Variants in SLC22A25 observed in about 807,000 individuals in gnomAD.
SLC22A25 encodes the protein solute carrier family 22 member 25.
Under a neutral mutation model 45.9 loss-of-function variants are expected in SLC22A25, and 44 were observed. That is an observed-to-expected ratio of 0.96 (90% CI 0.75 to 1.23). SLC22A25 has a LOEUF of 1.23. SLC22A25 is among the 50% of genes most tolerant of loss of function. The pLI, the probability that SLC22A25 is intolerant of heterozygous loss-of-function variation, is 0.00. For missense variants in SLC22A25, 800 were observed against 666.4 expected, an observed-to-expected ratio of 1.20 and a Z score of -2.21; for synonymous variants, 283 against 238.6, an observed-to-expected ratio of 1.19 and a Z score of -1.72.
At chr11:63,231,742 C>A (rs1004347424) in intron 3 of SLC22A25, among the ~76,000 whole-genome samples, 1 of 152,148 alleles carries the variant, frequency 6.6e-6, no homozygotes, top group African/African-American at 2.4e-5. Flanking sequence ...CCTAGTTTTT[C>A]TTCTAGGGTT....
chr11:63,159,515 G>A lies in SLC22A25; in HGVS notation c.*4309C>T, dbSNP rs757540700. Reference sequence around the variant, plus strand: ...TAAGTTGTGCCTTTCACCTTCTGCCGTGATTGTGAGGCTTCCCCAGCCAGG... The same window carrying A: ...TAAGTTGTGCCTTTCACCTTCTGCCATGATTGTGAGGCTTCCCCAGCCAGG... On this transcript the variant is annotated 3_prime_UTR_variant, in exon 12 of 12. Coordinates refer to ENST00000306494, the MANE Select transcript of SLC22A25 (RefSeq NM_199352.6). 2.6e-5 allele frequency among the ~76,000 whole-genome samples: 4 copies of A among 152,100 alleles called. No individual in the cohort carries two copies. Among genetic ancestry groups the A allele is most frequent in the Non-Finnish European group, 4.4e-5 (3 of 68,024 alleles).
At chr11:63,197,758 A>G (rs2089097962) in intron 7 of SLC22A25, among the ~76,000 whole-genome samples, 1 of 152,244 alleles carries the variant, frequency 6.6e-6, no homozygotes, top group Admixed American at 6.5e-5. Flanking sequence ...TCTGCACAGC[A>G]AAAGATGCTA....
intron 9 of SLC22A25, among the ~76,000 whole-genome samples, chr11:63,172,483 A>G (rs1304623643): frequency 1.3e-5 from 2 of 152,310 alleles, no homozygotes; most frequent in Admixed American, 6.5e-5. Flanking sequence ...AAATGATGTG[A>G]ACAGACACTT....
intron 7 of SLC22A25, chr11:63,208,130 G>A (rs1039294393): frequency 6.6e-6 from 1 of 152,276 alleles, no homozygotes; most frequent in Admixed American, 6.5e-5. Flanking sequence ...TGGGACTACA[G>A]CCCTGTGGCC....
chr11:63,175,397 A>G (rs1411328148), intron 9 of SLC22A25, among the ~76,000 whole-genome samples: 1 of 152,042 alleles, frequency 6.6e-6, no homozygotes, highest in East Asian at 1.9e-4. Context: ...GGCCATTTGT[A>G]TGGCTTCTTT....
chr11:63,214,877 T>C (rs1190491063), intron 7 of SLC22A25, among the ~76,000 whole-genome samples: 1 of 151,986 alleles, frequency 6.6e-6, no homozygotes, highest in Non-Finnish European at 1.5e-5. Context: ...TCCTTAACAA[T>C]CCCACAACAA....
At chr11:63,239,454 G>A (rs1463518420) in intron 1 of SLC22A25, among the ~76,000 whole-genome samples, 2 of 152,158 alleles carry the variant, frequency 1.3e-5, no homozygotes, top group Admixed American at 6.5e-5. Flanking sequence ...CACATTTTCT[G>A]TAAATACAGT....
In SLC22A25 at chr11:63,228,353, C is replaced by T. The variant is rs572007606; in HGVS notation, c.506+108G>A. 46 of 819,626 alleles carry T rather than the reference C, an allele frequency of 5.6e-5. No homozygotes were observed. In the African/African-American group the frequency reaches 7.5e-4, roughly 13 times the overall value. 50.8% of individuals were successfully genotyped at this position (819,626 alleles called of 1,614,324 possible). Reference sequence around the variant, plus strand: ...TTTGTGTCTACAAATCCCTGGGGACCAAGGGAGCAACAGGATAGTGTGATT... The same window carrying T: ...TTTGTGTCTACAAATCCCTGGGGACTAAGGGAGCAACAGGATAGTGTGATT... On this transcript the variant is annotated intron_variant, in intron 5 of 11. Transcript: ENST00000306494.
chr11:63,190,697 G>C (rs2088775486), intron 7 of SLC22A25, among the ~76,000 whole-genome samples: 1 of 152,014 alleles, frequency 6.6e-6, no homozygotes, highest in African/African-American at 2.4e-5. Flanking sequence ...TTTGCTCTTT[G>C]ATGATGGTGA....
At chr11:63,173,546 T>C (rs2087968991) in intron 9 of SLC22A25, among the ~76,000 whole-genome samples, 1 of 152,144 alleles carries the variant, frequency 6.6e-6, no homozygotes, top group Non-Finnish European at 1.5e-5. Context: ...TTGACACAGT[T>C]TCCATTTCTA....
rs114382284 is a variant in SLC22A25, at chr11:63,166,875, G to A, written c.1071-617C>T. 3.8e-4 allele frequency: 372 copies of A among 985,316 alleles called. 2 individuals carry two copies. In the African/African-American group the frequency reaches 6.2e-3, roughly 16 times the overall value. The allele number at this position is 985,316 out of a possible 1,614,324, so 61.0% of individuals were successfully genotyped here. A position where few individuals can be genotyped will look rare whatever the true frequency, so the allele number is the denominator to read the frequency against. Reference sequence around the variant, plus strand: ...TTTTTGGAATAAGAGGTAGTCGATAGAGACAGCTGGCAAGATGGCCGAATA... The same window carrying A: ...TTTTTGGAATAAGAGGTAGTCGATAAAGACAGCTGGCAAGATGGCCGAATA... On this transcript the variant is annotated intron_variant, in intron 9 of 11. Coordinates refer to ENST00000306494, the MANE Select transcript of SLC22A25 (RefSeq NM_199352.6).
At chr11:63,219,050 T>C (rs928318850) in intron 5 of SLC22A25, among the ~76,000 whole-genome samples, 7 of 152,200 alleles carry the variant, frequency 4.6e-5, no homozygotes, top group Admixed American at 2.6e-4. Flanking sequence ...GATGTAAGCT[T>C]AATATAGAAA....
rs1247106893 is a variant in SLC22A25, at chr11:63,204,205, T to A, written c.830+13109A>T. On this transcript the variant is annotated intron_variant, in intron 7 of 11. Transcript: ENST00000306494. ...ACTGGTAGCAGCCACTGCAGAAACA[T>A]ACCAAATTGTAAAGACCATTGACAA... is the stretch of plus-strand genomic sequence containing the variant. Among the ~76,000 whole-genome samples the A allele has an allele frequency of 2.0e-5, 3 of 152,134 alleles. No homozygotes were observed. The East Asian group carries it at 5.8e-4, about 29-fold the overall frequency.
At chr11:63,225,052 T>C (rs902921555) in intron 5 of SLC22A25, among the ~76,000 whole-genome samples, 1 of 152,140 alleles carries the variant, frequency 6.6e-6, no homozygotes, top group Admixed American at 6.5e-5. Context: ...TGAGCCGAGA[T>C]TGTGCCACTG....
At position 63,191,784 on chromosome 11, in the gene SLC22A25, C is replaced by G. The variant is rs1264771609; in HGVS notation, c.831-7967G>C. On this transcript the variant is annotated intron_variant, in intron 7 of 11. Coordinates refer to ENST00000306494, the MANE Select transcript of SLC22A25 (RefSeq NM_199352.6). The stretch of plus-strand genomic sequence containing the variant: ...GCCTTTGTGAAATAAGACAGTCAGA[C>G]AAGAATAGAGAAAAAAGAATGAAAA... Among the ~76,000 whole-genome samples the G allele has an allele frequency of 4.6e-5, 7 of 151,670 alleles. No homozygotes were observed. The South Asian group carries it at 1.0e-3, about 23-fold the overall frequency.
chr11:63,194,280 C>A (rs2088922092), intron 7 of SLC22A25, among the ~76,000 whole-genome samples: 1 of 152,094 alleles, frequency 6.6e-6, no homozygotes, highest in Non-Finnish European at 1.5e-5. Flanking sequence ...CCTAGCAAAG[C>A]AGGCCAACAT....
intron 2 of SLC22A25, among the ~76,000 whole-genome samples, 173 bp downstream of exon 2, chr11:63,238,544 C>T (rs1002696147): frequency 9.2e-5 from 14 of 152,202 alleles, no homozygotes; most frequent in African/African-American, 2.2e-4. Flanking sequence ...TTTGAAATCA[C>T]TAGACTTATA....
At chr11:63,216,345 C>T (rs1474184372) in intron 7 of SLC22A25, among the ~76,000 whole-genome samples, 1 of 152,126 alleles carries the variant, frequency 6.6e-6, no homozygotes, top group African/African-American at 2.4e-5. Flanking sequence ...AAAGAAATAC[C>T]TTTCAACCCA....
chr11:63,201,119 C>A (rs981239765), intron 7 of SLC22A25, among the ~76,000 whole-genome samples: 1 of 152,142 alleles, frequency 6.6e-6, no homozygotes, highest in Non-Finnish European at 1.5e-5. Context: ...ATTCAGCTAC[C>A]ACTGAGATTC....
Sources: allele counts gnomAD v4.1 joint callset (sites outside exome capture counted in the v4.1 genomes callset), GRCh38; gene constraint gnomAD v4.1.1; transcripts MANE v1.5; gene names NCBI Gene and HGNC (gene_info 2026-07-23, HGNC 2026-07-21).